SENP8: variants seen among roughly 807,000 people sequenced by gnomAD.
SENP8 encodes sentrin-specific protease 8.
A neutral mutation model predicts 14.4 loss-of-function variants in SENP8; 10 were observed. The observed-to-expected ratio is 0.69, with a 90% CI of 0.43 to 1.18. The LOEUF is 1.18. Ranked by LOEUF, SENP8 falls within the 50% of genes most tolerant of loss-of-function variation. The pLI is 0.00. For missense variants in SENP8, 202 were observed against 249.4 expected (o/e 0.81, Z 1.28); for synonymous variants, 94 against 95.5 (o/e 0.98, Z 0.09).
intron 1 of SENP8, among the ~76,000 whole-genome samples, chr15:72,121,565 CAAA>C (rs11297863): frequency 3.5e-5 from 5 of 141,554 alleles, no homozygotes; most frequent in Non-Finnish European, 4.6e-5. Flanking sequence ...CGTGTCTCTC[CAAA>C]AAAAAAAAAA....
At chr15:72,117,831 G>C (rs1055679391), upstream of SENP8, 10 of 398,518 alleles carry the variant, frequency 2.5e-5, no homozygotes, top group Non-Finnish European at 4.0e-5. Flanking sequence ...AGCAGCCTCA[G>C]GGTCCGGGCG....
upstream of SENP8, chr15:72,117,567 G>A (rs1205566299): frequency 2.7e-6 from 1 of 374,458 alleles, no homozygotes; most frequent in Non-Finnish European, 4.7e-6. Flanking sequence ...AGACCCGCTC[G>A]CGGGGCGTCT....
chr15:72,130,553 T>C (rs1015981417), intron 1 of SENP8, among the ~76,000 whole-genome samples: 6 of 137,950 alleles, frequency 4.3e-5, no homozygotes, highest in Admixed American at 4.1e-4. Context: ...TAGAATGTTT[T>C]AGGATTTTTT....
chr15:72,126,860 ATTGAT>A (rs1347739710), intron 1 of SENP8, among the ~76,000 whole-genome samples: 1 of 152,098 alleles, frequency 6.6e-6, no homozygotes, highest in Non-Finnish European at 1.5e-5. Context: ...TTTTTATGCT[ATTGAT>A]TTATCTACTT....
At position 72,140,270 on chromosome 15, in the gene SENP8, A is replaced by G. The variant is rs778500163; in HGVS notation, c.*8A>G. ...ACACTTGCTAAAAAGTAGCTATTGA[A>G]GTATATTTGCGACTTTTGAAGGCTC... On this transcript the variant is annotated 3_prime_UTR_variant, in exon 2 of 2. Transcript: ENST00000340912. 1 of 1,602,400 alleles carries G rather than the reference A, an allele frequency of 6.2e-7. No individual in the cohort carries two copies. The highest frequency in any genetic ancestry group is 1.1e-5 in the South Asian group (1 of 90,438).
chr15:72,127,455 G>A (rs2081231752), intron 1 of SENP8, among the ~76,000 whole-genome samples: 2 of 152,098 alleles, frequency 1.3e-5, no homozygotes, highest in Admixed American at 6.6e-5. Flanking sequence ...ACCCTCAGGA[G>A]GGAAAAAGCT....
intron 1 of SENP8, among the ~76,000 whole-genome samples, chr15:72,120,646 G>A (rs1384320577): frequency 6.6e-6 from 1 of 152,160 alleles, no homozygotes; most frequent in Non-Finnish European, 1.5e-5. Flanking sequence ...TAATATAAAG[G>A]AAACTAATTT....
rs1252925410 is a variant in SENP8 at position 72,141,266 on chromosome 15, TTAAA to T, written c.*1007_*1010del. The T allele has an allele frequency of 6.6e-6, 1 of 152,208 alleles. No individual in the cohort carries two copies. The highest frequency in any genetic ancestry group is 1.5e-5 in the Non-Finnish European group (1 of 68,036). The allele number at this position is 152,208 out of a possible 1,614,324, so 9.4% of individuals were successfully genotyped here. A position where few individuals can be genotyped will look rare whatever the true frequency, so the allele number is the denominator to read the frequency against. On this transcript the variant is annotated 3_prime_UTR_variant, in exon 2 of 2. Transcript: ENST00000340912. Reference sequence around the variant, plus strand: ...AACAGACTTAGAGTTGGTTTGTTTTTTAAATATAAAGGAAGAAAAGTGACCTTTC... The same window carrying T: ...AACAGACTTAGAGTTGGTTTGTTTTTTATAAAGGAAGAAAAGTGACCTTTC...
chr15:72,118,125 G>T (rs1351138952), upstream of SENP8: 1 of 380,850 alleles, frequency 2.6e-6, no homozygotes, highest in Non-Finnish European at 4.6e-6. Context: ...GCGACTCCCC[G>T]GCTGCAGGCG....
At chr15:72,122,971 T>A (rs1233949257) in intron 1 of SENP8, among the ~76,000 whole-genome samples, 1 of 152,232 alleles carries the variant, frequency 6.6e-6, no homozygotes, top group Non-Finnish European at 1.5e-5. Flanking sequence ...AGGCTTGCTT[T>A]CCCTGATGGC....
Position 72,143,045 on chromosome 15 carries a change from A to C in SENP8, c.*2783A>C, listed in dbSNP as rs1433778584. 6.6e-6 allele frequency: 1 copy of C among 152,192 alleles called. No individual in the cohort carries two copies. The highest frequency in any genetic ancestry group is 1.5e-5 in the Non-Finnish European group (1 of 68,046). 9.4% of individuals were successfully genotyped at this position (152,192 alleles called of 1,614,324 possible). On this transcript the variant is annotated 3_prime_UTR_variant, in exon 2 of 2. Coordinates refer to ENST00000340912, the MANE Select transcript of SENP8 (RefSeq NM_145204.4). The stretch of plus-strand genomic sequence containing the variant: ...AACCCCGTCTCTACTAAAAATACAA[A>C]AATTAGCCGGGCATGGTAGGTGGGC...
chr15:72,139,404 CAG>C (rs1437065409), intron 1 of SENP8, 171 bp from the exon 2 acceptor site: 1 of 540,186 alleles, frequency 1.9e-6, no homozygotes. Context: ...CTTGCTGTCT[CAG>C]GGGTGGCAGA....
At chr15:72,115,958 G>A (rs909098286), upstream of SENP8, among the ~76,000 whole-genome samples, 6 of 152,174 alleles carry the variant, frequency 3.9e-5, no homozygotes, top group African/African-American at 1.2e-4. Flanking sequence ...GCCAGTAAAT[G>A]AGGCACTTCC....
chr15:72,137,630 C>T (rs755457842), intron 1 of SENP8, among the ~76,000 whole-genome samples: 12 of 152,162 alleles, frequency 7.9e-5, no homozygotes, highest in Non-Finnish European at 1.6e-4. Flanking sequence ...TAATCACTGT[C>T]ACGTTCCATT....
chr15:72,133,838 AG>A (rs1322201080), intron 1 of SENP8, among the ~76,000 whole-genome samples: 2 of 152,236 alleles, frequency 1.3e-5, no homozygotes, highest in African/African-American at 4.8e-5. Flanking sequence ...GAGAACACTC[AG>A]TAGACCTTTG....
chr15:72,136,786 A>C (rs2081331604), intron 1 of SENP8, among the ~76,000 whole-genome samples: 1 of 152,174 alleles, frequency 6.6e-6, no homozygotes, highest in Middle Eastern at 3.2e-3. Flanking sequence ...TTTTCTTATA[A>C]TATGCTTTGT....
chr15:72,130,218 T>A (rs947482654), intron 1 of SENP8, among the ~76,000 whole-genome samples: 1 of 152,072 alleles, frequency 6.6e-6, no homozygotes, highest in Non-Finnish European at 1.5e-5. Flanking sequence ...TCAATTTATC[T>A]GGAAACTGCC....
chr15:72,129,358 A>G (rs1410046366), intron 1 of SENP8, among the ~76,000 whole-genome samples: 1 of 151,264 alleles, frequency 6.6e-6, no homozygotes, highest in East Asian at 2.0e-4. Context: ...ATGAGACCTC[A>G]TCTCTACAAA....
upstream of SENP8, chr15:72,117,271 G>C (rs1392374514): frequency 6.6e-6 from 1 of 152,498 alleles, no homozygotes; most frequent in East Asian, 1.9e-4. Context: ...AAGAAGAGTA[G>C]GGCGAGGGGC....
Sources: allele counts gnomAD v4.1 joint callset (sites outside exome capture counted in the v4.1 genomes callset), GRCh38; gene constraint gnomAD v4.1.1; transcripts MANE v1.5; gene names NCBI Gene and HGNC (gene_info 2026-07-23, HGNC 2026-07-21).